The following NSMCE2 variants were observed in gnomAD, a reference collection of about 807,000 sequenced individuals.
NSMCE2 encodes the protein NSE2 SUMO ligase component of SMC5/6 complex.
A neutral mutation model predicts 23.8 loss-of-function variants in NSMCE2; 24 were observed. That is an observed-to-expected ratio of 1.01 (90% CI 0.73 to 1.42). The LOEUF is 1.42. NSMCE2 is among the 40% of genes most tolerant of loss of function. NSMCE2 has a pLI of 0.00. For missense variants in NSMCE2, 284 were observed against 296.5 expected, an observed-to-expected ratio of 0.96 and a Z score of 0.31; for synonymous variants, 92 against 94.1, an observed-to-expected ratio of 0.98 and a Z score of 0.13.
chr8:125,199,774 G>T (rs1586601102), intron 5 of NSMCE2, among the ~76,000 whole-genome samples: 1 of 152,024 alleles, frequency 6.6e-6, no homozygotes. Flanking sequence ...TTGACAGTGG[G>T]GTGTTAAAGT....
rs751765472 is a variant in NSMCE2, at chr8:125,238,206, A to T, written c.418+55950A>T. Reference sequence around the variant, plus strand: ...TGGAAGACACAATGATTTCAACAAGATTAAGGATAAGGATGCAAGTAGAGC... The same window carrying T: ...TGGAAGACACAATGATTTCAACAAGTTTAAGGATAAGGATGCAAGTAGAGC... On this transcript the variant is annotated intron_variant, in intron 5 of 7. Transcript: ENST00000287437. 2.0e-5 allele frequency among the ~76,000 whole-genome samples: 3 copies of T among 152,270 alleles called. No homozygotes were observed. In the East Asian group the frequency reaches 5.8e-4, roughly 29 times the overall value.
chr8:125,130,979 G>T (rs1291306567), intron 3 of NSMCE2, among the ~76,000 whole-genome samples: 3 of 152,180 alleles, frequency 2.0e-5, no homozygotes, highest in Non-Finnish European at 2.9e-5. Flanking sequence ...AGGGTTTACG[G>T]ACAGTTCTTT....
At chr8:125,282,308 T>G (rs145572103) in intron 5 of NSMCE2, among the ~76,000 whole-genome samples, 3 of 152,098 alleles carry the variant, frequency 2.0e-5, no homozygotes, top group Admixed American at 1.3e-4. Context: ...GAGCCGGGGT[T>G]TCACCATGTT....
chr8:125,367,018 A>G lies in NSMCE2; in HGVS notation c.*133A>G, dbSNP rs1813826665. On this transcript the variant is annotated 3_prime_UTR_variant, in exon 8 of 8. Coordinates refer to ENST00000287437, the MANE Select transcript of NSMCE2 (RefSeq NM_173685.4). ...GTTGGGGGTAAAACTTGTTGCTTTT[A>G]TGTGTGCTTGAAAACATTTTTCAAA... 1 of 613,054 alleles carries G rather than the reference A, an allele frequency of 1.6e-6. No individual in the cohort carries two copies. Among genetic ancestry groups the G allele is most frequent in the African/African-American group, 1.8e-5 (1 of 54,778 alleles). The allele number at this position is 613,054 out of a possible 1,614,324, so 38.0% of individuals were successfully genotyped here.
At chr8:125,335,887 C>T (rs1830051281) in intron 5 of NSMCE2, among the ~76,000 whole-genome samples, 1 of 152,056 alleles carries the variant, frequency 6.6e-6, no homozygotes, top group Non-Finnish European at 1.5e-5. Context: ...TCTAAAGAGA[C>T]GATATAGTGT....
At chr8:125,292,231 A>G (rs950024423) in intron 5 of NSMCE2, among the ~76,000 whole-genome samples, 6 of 151,930 alleles carry the variant, frequency 3.9e-5, no homozygotes. Flanking sequence ...AAAAAAAAAA[A>G]AGGAGAAGAA....
intron 3 of NSMCE2, among the ~76,000 whole-genome samples, chr8:125,135,278 TG>T (rs564602969): frequency 9.0e-4 from 137 of 152,208 alleles, no homozygotes; most frequent in African/African-American, 3.3e-3. Flanking sequence ...CTCAAATTCC[TG>T]GCCTTAGGTG....
chr8:125,224,612 A>G (rs1358739381), intron 5 of NSMCE2, among the ~76,000 whole-genome samples: 1 of 152,226 alleles, frequency 6.6e-6, no homozygotes, highest in African/African-American at 2.4e-5. Context: ...AGTTGAACAT[A>G]AATTCATAGA....
At chr8:125,134,649 C>T (rs994754026) in intron 3 of NSMCE2, among the ~76,000 whole-genome samples, 1 of 150,274 alleles carries the variant, frequency 6.7e-6, no homozygotes, top group African/African-American at 2.4e-5. Flanking sequence ...TTTGTATACT[C>T]GGAATAAAAA....
intron 5 of NSMCE2, among the ~76,000 whole-genome samples, chr8:125,352,870 AGAGT>A (rs1195234905): frequency 6.6e-6 from 1 of 152,230 alleles, no homozygotes; most frequent in Non-Finnish European, 1.5e-5. Flanking sequence ...ATATAGATTG[AGAGT>A]GAGGAAATGT....
intron 5 of NSMCE2, among the ~76,000 whole-genome samples, chr8:125,214,466 G>A (rs769129112): frequency 6.6e-6 from 1 of 152,174 alleles, no homozygotes; most frequent in Non-Finnish European, 1.5e-5. Flanking sequence ...GTCTCAACAA[G>A]GAAATGGGTC....
intron 5 of NSMCE2, among the ~76,000 whole-genome samples, chr8:125,314,447 T>C (rs1586755452): frequency 6.6e-6 from 1 of 152,092 alleles, no homozygotes; most frequent in African/African-American, 2.4e-5. Flanking sequence ...CCACCACCCA[T>C]GCCTGGCTAA....
chr8:125,296,168 A>G (rs1403274512), intron 5 of NSMCE2, among the ~76,000 whole-genome samples: 1 of 152,214 alleles, frequency 6.6e-6, no homozygotes, highest in Non-Finnish European at 1.5e-5. Context: ...TGAACTAGGT[A>G]CTGTTATTTT....
intron 5 of NSMCE2, among the ~76,000 whole-genome samples, chr8:125,321,411 C>A (rs1006919343): frequency 1.3e-5 from 2 of 152,190 alleles, no homozygotes; most frequent in Non-Finnish European, 2.9e-5. Flanking sequence ...AAGGCTCTTA[C>A]ACTATAGAGC....
intron 5 of NSMCE2, among the ~76,000 whole-genome samples, chr8:125,309,310 G>A (rs1288635703): frequency 6.7e-6 from 1 of 149,504 alleles, no homozygotes; most frequent in East Asian, 2.0e-4. Context: ...TTACTGCATT[G>A]TAGAAGTTTA....
intron 5 of NSMCE2, among the ~76,000 whole-genome samples, chr8:125,288,556 T>A (rs1827985986): frequency 1.3e-5 from 2 of 152,176 alleles, no homozygotes; most frequent in African/African-American, 4.8e-5. Flanking sequence ...GTCCTGGTCC[T>A]TTTTCCTGGC....
chr8:125,208,796 T>TC (rs1824213654), intron 5 of NSMCE2, among the ~76,000 whole-genome samples: 1 of 152,168 alleles, frequency 6.6e-6, no homozygotes, highest in Non-Finnish European at 1.5e-5. Flanking sequence ...CCTACTCAAT[T>TC]TAGAATTGAG....
chr8:125,106,652 T>G (rs1417428567), intron 3 of NSMCE2, among the ~76,000 whole-genome samples: 1 of 150,338 alleles, frequency 6.7e-6, no homozygotes, highest in Non-Finnish European at 1.5e-5. Flanking sequence ...GCCACTGCAC[T>G]CCAGCCTGGG....
chr8:125,207,167 C>G (rs984882162), intron 5 of NSMCE2, among the ~76,000 whole-genome samples: 1 of 149,556 alleles, frequency 6.7e-6, no homozygotes, highest in Non-Finnish European at 1.5e-5. Context: ...TTTTTTTTCT[C>G]TGCTTCTACT....
Sources: gnomAD v4.1 joint callset for allele counts (sites outside exome capture counted in the v4.1 genomes callset) on GRCh38, gnomAD v4.1.1 for gene constraint, MANE v1.5 for transcripts, NCBI Gene and HGNC (gene_info 2026-07-23, HGNC 2026-07-21) for gene names.